The following DIMT1 variants were observed in gnomAD, a reference collection of about 807,000 sequenced individuals.
The protein encoded by DIMT1 is DIM1 rRNA methyltransferase and ribosome maturation factor, also known as dimethyladenosine transferase.
A neutral mutation model predicts 43.2 loss-of-function variants in DIMT1; 36 were observed. The ratio of observed to expected loss-of-function variants is 0.83; its 90% CI spans 0.64 to 1.10. The LOEUF (loss-of-function observed/expected upper bound fraction) is 1.10. Ranked by LOEUF, DIMT1 falls within the 50% of genes least tolerant of loss-of-function variation. The pLI is 0.00. For synonymous variants in DIMT1, 126 were observed against 130.3 expected (o/e 0.97, Z 0.22); for missense variants, 341 against 385.3 (o/e 0.88, Z 0.96).
intron 8 of DIMT1, 106 bp downstream of exon 8, chr5:62,393,849 G>A (rs1580121906): frequency 1.1e-6 from 1 of 952,356 alleles, no homozygotes; most frequent in Non-Finnish European, 1.5e-6. Flanking sequence ...ATTTTCCTAT[G>A]TTTGAATATT....
chr5:62,398,819 C>T lies in DIMT1; in HGVS notation c.302+1G>A, dbSNP rs555866661. 15 of 1,614,024 alleles carry T rather than the reference C, an allele frequency of 9.3e-6. No individual in the cohort carries two copies. Among genetic ancestry groups the T allele is most frequent in the African/African-American group, 1.3e-5 (1 of 75,046 alleles). On this transcript the variant is annotated splice_donor_variant, in intron 4 of 11. Coordinates refer to ENST00000199320, the MANE Select transcript of DIMT1 (RefSeq NM_014473.4). LOFTEE classifies it high-confidence loss of function. Reference sequence around the variant, plus strand: ...ACTTTAATTCTATTATGTATACTCACGTGCCCTGAACTCTTTTGTGAAGTT... The same window carrying T: ...ACTTTAATTCTATTATGTATACTCATGTGCCCTGAACTCTTTTGTGAAGTT...
chr5:62,403,188 G>C (rs959860593), intron 2 of DIMT1, 85 bp downstream of exon 2: 15 of 1,200,350 alleles, frequency 1.2e-5, no homozygotes. Flanking sequence ...TCTAATTTAC[G>C]GCAGGCAGAC....
At chr5:62,397,432 G>T (rs1742536464) in intron 6 of DIMT1, among the ~76,000 whole-genome samples, 1 of 152,200 alleles carries the variant, frequency 6.6e-6, no homozygotes, top group African/African-American at 2.4e-5. Flanking sequence ...TCAGAATTGT[G>T]TAAGCTAAAC....
intron 1 of DIMT1, 131 bp downstream of exon 1, chr5:62,403,563 C>G (rs555507931): frequency 1.7e-6 from 2 of 1,155,528 alleles, no homozygotes; most frequent in Non-Finnish European, 2.5e-6. Flanking sequence ...GGGGACCCAC[C>G]CCTGCCTTCC....
intron 9 of DIMT1, chr5:62,392,668 T>C: frequency 2.6e-6 from 1 of 381,880 alleles, no homozygotes; most frequent in Non-Finnish European, 4.6e-6. Context: ...AACAAAAAAC[T>C]AGAGCAGATA....
intron 6 of DIMT1, among the ~76,000 whole-genome samples, chr5:62,395,906 T>A (rs1742470994): frequency 6.6e-6 from 1 of 151,910 alleles, no homozygotes; most frequent in Admixed American, 6.6e-5. Context: ...CTCAAGAGGC[T>A]GAGGTAGGAG....
rs1742805795 is a variant in DIMT1 at position 62,403,828 on chromosome 5, A to G, written c.-56T>C. On this transcript the variant is annotated 5_prime_UTR_variant, in exon 1 of 12. Transcript: ENST00000199320. ...ACGTCAAGGAGGACCAAAGAGGGCT[A>G]GCGTGAGAAAGCCACCACGTGGGGA... The G allele has an allele frequency of 1.9e-6, 3 of 1,555,516 alleles. No homozygotes were observed. Among genetic ancestry groups the G allele is most frequent in the East Asian group, 2.3e-5 (1 of 43,050 alleles).
chr5:62,398,622 G>C, intron 5 of DIMT1, 24 bp downstream of exon 5: 1 of 1,613,864 alleles, frequency 6.2e-7, no homozygotes, highest in Non-Finnish European at 8.5e-7. Flanking sequence ...TTAGTATGAT[G>C]TTCCTGAAAA....
At chr5:62,397,892 C>T (rs1742554780) in intron 6 of DIMT1, among the ~76,000 whole-genome samples, 1 of 152,172 alleles carries the variant, frequency 6.6e-6, no homozygotes, top group Non-Finnish European at 1.5e-5. Context: ...TCATGATCCG[C>T]CTGCCTTGGC....
At chr5:62,398,296 G>A in intron 6 of DIMT1, 2 of 519,772 alleles carry the variant, frequency 3.8e-6, no homozygotes. Flanking sequence ...TTCAAAAATA[G>A]GGAAAGGCTG....
intron 6 of DIMT1, 86 bp downstream of exon 6, chr5:62,398,425 T>G (rs1742576257): frequency 7.4e-7 from 1 of 1,344,134 alleles, no homozygotes. Flanking sequence ...GTTTTTCAAC[T>G]GACCTGACTC....
intron 6 of DIMT1, among the ~76,000 whole-genome samples, chr5:62,394,985 C>T (rs1742429937): frequency 1.3e-5 from 2 of 151,026 alleles, no homozygotes; most frequent in Admixed American, 6.6e-5. Flanking sequence ...CAGATTGTGA[C>T]GTTCAATGTT....
At chr5:62,401,495 CAAAAAAAA>C (rs563279122) in intron 3 of DIMT1, among the ~76,000 whole-genome samples, 1 of 60,500 alleles carries the variant, frequency 1.7e-5, no homozygotes. Context: ...ATTCCCTCTC[CAAAAAAAA>C]AAAAAAAAAA....
At chr5:62,403,592 C>T (rs1412934407) in intron 1 of DIMT1, 102 bp downstream of exon 1, 1 of 1,397,986 alleles carries the variant, frequency 7.2e-7, no homozygotes, top group African/African-American at 1.4e-5. Context: ...GGGAGCGCGT[C>T]CTGACCGGCC....
intron 6 of DIMT1, among the ~76,000 whole-genome samples, chr5:62,395,026 CTT>C (rs35544397): frequency 1.5e-4 from 21 of 143,722 alleles, no homozygotes; most frequent in Admixed American, 3.5e-4. Context: ...AAGATGTAGA[CTT>C]TTTTTTTTTT....
intron 10 of DIMT1, chr5:62,391,726 G>A (rs910984694): frequency 1.1e-5 from 14 of 1,317,328 alleles, no homozygotes; most frequent in African/African-American, 1.5e-5. Context: ...ATCTGCTATT[G>A]AGCCATATGA....
chr5:62,403,135 C>T (rs1742767027), intron 2 of DIMT1, 138 bp downstream of exon 2: 5 of 751,864 alleles, frequency 6.7e-6, no homozygotes, highest in Non-Finnish European at 8.6e-6. Flanking sequence ...GCCCAAGAAT[C>T]CTAGACAATT....
intron 1 of DIMT1, among the ~76,000 whole-genome samples, 158 bp from the exon 2 acceptor site, chr5:62,403,504 C>A (rs113882090): frequency 4.3e-4 from 66 of 152,388 alleles, no homozygotes; most frequent in African/African-American, 1.6e-3. Context: ...AGTTCATCCT[C>A]CAGCTGGAAA....
chr5:62,392,761 G>A, intron 9 of DIMT1, 165 bp downstream of exon 9: 1 of 457,060 alleles, frequency 2.2e-6, no homozygotes, highest in Non-Finnish European at 3.8e-6. Flanking sequence ...TCTTCATTAA[G>A]TTTGCTTTAG....
Sources: gnomAD v4.1 joint callset for allele counts (sites outside exome capture counted in the v4.1 genomes callset) on GRCh38, gnomAD v4.1.1 for gene constraint, MANE v1.5 for transcripts, NCBI Gene and HGNC (gene_info 2026-07-23, HGNC 2026-07-21) for gene names.